Variants in CDH4 observed in about 807,000 individuals in gnomAD.
CDH4 encodes the protein cadherin 4.
A neutral mutation model predicts 86.0 loss-of-function variants in CDH4; 33 were observed. That is an observed-to-expected ratio of 0.38 (90% CI 0.29 to 0.51). The LOEUF (loss-of-function observed/expected upper bound fraction) is 0.51, where lower values mean the gene tolerates loss of function less well. Ranked by LOEUF, CDH4 falls within the 20% of genes least tolerant of loss-of-function variation. The probability of loss-of-function intolerance (pLI) is 0.86; values close to 1 mark genes in which losing one functional copy is unlikely to be tolerated. For missense variants in CDH4, 1,114 were observed against 1,307.4 expected (o/e 0.85, Z 2.28); for synonymous variants, 555 against 549.4 (o/e 1.01, Z -0.14).
chr20:61,279,552 G>A (rs1262382832), intron 2 of CDH4, among the ~76,000 whole-genome samples: 1 of 152,126 alleles, frequency 6.6e-6, no homozygotes, highest in Non-Finnish European at 1.5e-5. Flanking sequence ...CCTGAGTGGG[G>A]GAAGGCTCCT....
intron 2 of CDH4, among the ~76,000 whole-genome samples, chr20:61,311,421 C>G (rs2123223434): frequency 6.6e-6 from 1 of 152,282 alleles, no homozygotes; most frequent in African/African-American, 2.4e-5. Context: ...AACTTCTCAC[C>G]TTTCCATATA....
chr20:61,647,558 CCTCTCCCT>C (rs2087076868), intron 2 of CDH4, among the ~76,000 whole-genome samples: 2 of 83,714 alleles, frequency 2.4e-5, no homozygotes, highest in South Asian at 3.3e-4. Context: ...TCTCCCTCTC[CCTCTCCCT>C]CTCCCTCCCT....
At chr20:61,791,808 G>A (rs75129611) in intron 4 of CDH4, among the ~76,000 whole-genome samples, 1,941 of 152,148 alleles carry the variant, frequency 0.013, 35 homozygotes, top group African/African-American at 0.044. Context: ...GCAGAGACCC[G>A]CAAGTGCAAA....
chr20:61,576,505 G>C (rs1324103311), intron 2 of CDH4, among the ~76,000 whole-genome samples: 1 of 152,180 alleles, frequency 6.6e-6, no homozygotes, highest in Admixed American at 6.5e-5. Flanking sequence ...ACCTGGCTTG[G>C]AGTAGGAGTA....
intron 4 of CDH4, among the ~76,000 whole-genome samples, chr20:61,784,953 C>G (rs2146005338): frequency 6.6e-6 from 1 of 152,288 alleles, no homozygotes; most frequent in South Asian, 2.1e-4. Flanking sequence ...CACTGCCCTA[C>G]CCCTGGAGCA....
Position 61,252,709 on chromosome 20 carries a change from C to A in CDH4, c.57+139C>A, listed in dbSNP as rs1452886528. 7.7e-6 allele frequency: 3 copies of A among 390,226 alleles called. No individual in the cohort carries two copies. The highest frequency in any genetic ancestry group is 1.2e-5 in the Non-Finnish European group (3 of 248,748). 24.2% of individuals were successfully genotyped at this position (390,226 alleles called of 1,614,324 possible). On this transcript the variant is annotated intron_variant, in intron 1 of 15. Transcript: ENST00000614565. The surrounding 1 kb of genome is among the most constrained non-coding windows in gnomAD (Gnocchi z 4.4). ...GCGCTCCCCGCTGCATCCAGCCCGG[C>A]GCCCGCGCTCGGCGAAGCTGCCTGC...
intron 2 of CDH4, among the ~76,000 whole-genome samples, chr20:61,306,102 T>A (rs1379002443): frequency 1.3e-5 from 2 of 152,218 alleles, no homozygotes; most frequent in Non-Finnish European, 2.9e-5. Flanking sequence ...CTTGAAAACT[T>A]TGAAGGCTTC....
chr20:61,348,760 T>C (rs6071594), intron 2 of CDH4, among the ~76,000 whole-genome samples: 8,735 of 152,314 alleles, frequency 0.057, 346 homozygotes, highest in Non-Finnish European at 0.086. Flanking sequence ...CTCTTGTCAC[T>C]TCCAAAGGGC....
At chr20:61,561,299 C>T (rs1032887821) in intron 2 of CDH4, among the ~76,000 whole-genome samples, 2 of 152,270 alleles carry the variant, frequency 1.3e-5, no homozygotes, top group Admixed American at 6.5e-5. Context: ...AGATGTGCCA[C>T]AGGGCTTGGC....
chr20:61,561,657 G>A (rs2086217346), intron 2 of CDH4, among the ~76,000 whole-genome samples: 1 of 152,224 alleles, frequency 6.6e-6, no homozygotes. Context: ...AGTTTTATTG[G>A]AACTCAGCCA....
intron 2 of CDH4, among the ~76,000 whole-genome samples, chr20:61,534,689 A>ATTTTTTTTT (rs2085983190): frequency 4.2e-5 from 1 of 23,690 alleles, no homozygotes; most frequent in Admixed American, 4.4e-4. Flanking sequence ...TTTTTTTTTG[A>ATTTTTTTTT]GGTGTTTTCC....
chr20:61,694,899 A>G (rs558918970), intron 2 of CDH4, among the ~76,000 whole-genome samples: 213 of 152,368 alleles, frequency 1.4e-3, no homozygotes, highest in Admixed American at 2.7e-3. Context: ...TCATAGCTTC[A>G]GATCCCGTGC....
rs145769748 is a variant in CDH4, at chr20:61,422,467, AC to A, written c.169+167532del. On this transcript the variant is annotated intron_variant, in intron 2 of 15. Coordinates refer to ENST00000614565, the MANE Select transcript of CDH4 (RefSeq NM_001794.5). ...AAAAAAAAAAAAAAAAAAAAAAAAA[AC>A]CAAATCTCCCCAAGTGTCTTCTTTA... Among the ~76,000 whole-genome samples, 4 of 60,798 alleles carry A rather than the reference AC, an allele frequency of 6.6e-5. 1 individual carries two copies. The highest frequency in any genetic ancestry group is 3.1e-4 in the African/African-American group (4 of 12,958). The allele number at this position is 60,798 out of a possible 152,430, so 39.9% of individuals were successfully genotyped here.
chr20:61,600,043 C>G (rs1209028843), intron 2 of CDH4: 5 of 790,418 alleles, frequency 6.3e-6, no homozygotes, highest in Non-Finnish European at 7.7e-6. Context: ...AATTTAAGAG[C>G]CTCTCTATTT....
chr20:61,442,942 G>A (rs750494792), intron 2 of CDH4, among the ~76,000 whole-genome samples: 9 of 152,218 alleles, frequency 5.9e-5, no homozygotes, highest in East Asian at 3.9e-4. Flanking sequence ...GTCCCTGGCC[G>A]CCACCCTTTA....
At chr20:61,288,722 T>G (rs1053714291) in intron 2 of CDH4, among the ~76,000 whole-genome samples, 3 of 152,184 alleles carry the variant, frequency 2.0e-5, no homozygotes, top group Non-Finnish European at 4.4e-5. Flanking sequence ...TCACAGCACA[T>G]GAAGGTGCCA....
rs115396039 is a variant in CDH4 at position 61,393,436 on chromosome 20, A to C, written c.169+138499A>C. Among the ~76,000 whole-genome samples the C allele has an allele frequency of 4.1e-3, 618 of 152,296 alleles. 4 individuals are homozygous for C. Among genetic ancestry groups the C allele is most frequent in the African/African-American group, 0.014 (590 of 41,570 alleles). ...TCGAGGACCCCCAGGGATTGGCAAA[A>C]TTAAACCTGGATGCTTTGATCGCTG... On this transcript the variant is annotated intron_variant, in intron 2 of 15. Coordinates refer to ENST00000614565, the MANE Select transcript of CDH4 (RefSeq NM_001794.5). This position sits in a 1 kb window ranked among gnomAD's most constrained non-coding sequence, Gnocchi z 4.3.
intron 2 of CDH4, among the ~76,000 whole-genome samples, chr20:61,721,024 C>T (rs1227782231): frequency 6.6e-6 from 1 of 152,106 alleles, no homozygotes; most frequent in Admixed American, 6.5e-5. Context: ...ACCATGTGTC[C>T]CCCCGGCTCC....
chr20:61,705,368 TCCACA>T (rs1469694630), intron 2 of CDH4, among the ~76,000 whole-genome samples: 1 of 152,218 alleles, frequency 6.6e-6, no homozygotes, highest in Non-Finnish European at 1.5e-5. Context: ...CCCCGGGGGT[TCCACA>T]CCGCAGAGGG....
Sources: gnomAD v4.1 joint callset for allele counts (sites outside exome capture counted in the v4.1 genomes callset) on GRCh38, gnomAD v4.1.1 for gene constraint, Gnocchi (gnomAD v3.1) non-coding constraint, MANE v1.5 for transcripts, NCBI Gene and HGNC (gene_info 2026-07-23, HGNC 2026-07-21) for gene names.